The following SH3RF3 variants were observed in gnomAD, a reference collection of about 807,000 sequenced individuals.
SH3RF3 encodes the protein SH3 domain containing ring finger 3.
Under a neutral mutation model 66.3 loss-of-function variants are expected in SH3RF3, and 29 were observed. The observed-to-expected ratio is 0.44, with a 90% CI of 0.33 to 0.60. The LOEUF (loss-of-function observed/expected upper bound fraction) is 0.60, where lower values mean the gene tolerates loss of function less well. Among genes scored for constraint, SH3RF3 ranks in the 20% least tolerant of loss-of-function variants. SH3RF3 has a pLI of 0.04. For synonymous variants in SH3RF3, 583 were observed against 532.0 expected (o/e 1.10, Z -1.32); for missense variants, 1,194 against 1,190.9 (o/e 1.00, Z -0.04).
chr2:109,467,192 C>T (rs116646466), intron 8 of SH3RF3, among the ~76,000 whole-genome samples: 366 of 152,344 alleles, frequency 2.4e-3, no homozygotes, highest in African/African-American at 8.1e-3. Flanking sequence ...ATGAGGGATC[C>T]GTAGCAGCTT....
chr2:109,211,151 A>G (rs951152040), intron 1 of SH3RF3, among the ~76,000 whole-genome samples: 6 of 152,118 alleles, frequency 3.9e-5, no homozygotes, highest in African/African-American at 9.7e-5. Flanking sequence ...AATTAAGCAC[A>G]ATTAAAGGAG....
chr2:109,487,074 A>C (rs1678999810), intron 8 of SH3RF3, among the ~76,000 whole-genome samples: 1 of 152,198 alleles, frequency 6.6e-6, no homozygotes, highest in Non-Finnish European at 1.5e-5. Context: ...TTGCAGAAGA[A>C]GGCAGTCAGG....
At chr2:109,212,059 G>C (rs951484133) in intron 1 of SH3RF3, among the ~76,000 whole-genome samples, 1 of 152,238 alleles carries the variant, frequency 6.6e-6, no homozygotes, top group African/African-American at 2.4e-5. Flanking sequence ...CGGAATTCCA[G>C]GGAGATAGCG....
intron 1 of SH3RF3, among the ~76,000 whole-genome samples, chr2:109,166,039 A>C (rs997379514): frequency 2.0e-5 from 3 of 152,068 alleles, no homozygotes; most frequent in African/African-American, 7.2e-5. Flanking sequence ...CTGTAGATAC[A>C]TACCTTGGTG....
chr2:109,372,455 C>T (rs569906736), intron 3 of SH3RF3, among the ~76,000 whole-genome samples: 1 of 152,196 alleles, frequency 6.6e-6, no homozygotes, highest in Non-Finnish European at 1.5e-5. Context: ...CAGCGTCATC[C>T]CATAAGAGTG....
chr2:109,440,372 C>T (rs1344571592), intron 7 of SH3RF3, among the ~76,000 whole-genome samples: 13 of 152,188 alleles, frequency 8.5e-5, no homozygotes, highest in East Asian at 3.9e-4. Flanking sequence ...AAGAAAGACC[C>T]GCAGTGAAGC....
chr2:109,264,748 C>A (rs1016886049), intron 1 of SH3RF3, among the ~76,000 whole-genome samples: 1 of 152,212 alleles, frequency 6.6e-6, no homozygotes, highest in African/African-American at 2.4e-5. Flanking sequence ...TTCCCAGGCC[C>A]ACTGGGCGGG....
intron 1 of SH3RF3, among the ~76,000 whole-genome samples, chr2:109,260,370 T>C (rs948992460): frequency 4.6e-5 from 7 of 152,192 alleles, no homozygotes; most frequent in Non-Finnish European, 7.3e-5. Context: ...GGGAGCTGCA[T>C]GTGCCCTTCC....
intron 1 of SH3RF3, among the ~76,000 whole-genome samples, chr2:109,215,703 C>T (rs985051022): frequency 7.9e-5 from 12 of 152,148 alleles, no homozygotes; most frequent in Non-Finnish European, 1.5e-4. Flanking sequence ...ACACCCAGAC[C>T]GTGTGACTCA....
At chr2:109,365,436 TG>T (rs530352144) in intron 2 of SH3RF3, among the ~76,000 whole-genome samples, 14 of 152,326 alleles carry the variant, frequency 9.2e-5, no homozygotes, top group Admixed American at 4.6e-4. Flanking sequence ...CTCTTCAATT[TG>T]GGGGGCAGCA....
intron 1 of SH3RF3, among the ~76,000 whole-genome samples, chr2:109,263,748 T>C (rs934100916): frequency 6.6e-6 from 1 of 152,130 alleles, no homozygotes; most frequent in Non-Finnish European, 1.5e-5. Flanking sequence ...GGGCAGATCA[T>C]GAGGTCAGGA....
intron 1 of SH3RF3, among the ~76,000 whole-genome samples, chr2:109,295,266 T>G (rs1247568444): frequency 6.6e-6 from 1 of 152,198 alleles, no homozygotes; most frequent in African/African-American, 2.4e-5. Context: ...GGGCCTGCGG[T>G]GGCTCCAGGA....
intron 2 of SH3RF3, among the ~76,000 whole-genome samples, chr2:109,349,215 T>C (rs1284491388): frequency 2.6e-5 from 4 of 152,364 alleles, no homozygotes; most frequent in African/African-American, 9.6e-5. Context: ...ACAGTGTTTT[T>C]GAGCAAAATT....
rs1451850832 is a variant in SH3RF3 at position 109,501,646 on chromosome 2, C to T, written c.2624C>T (p.Pro875Leu). ...CGGAACGGCCGCACAGGCCTCTTCCCGGGCAGCTTCGTCGAGAGCTTCTGA... is the reference window on the plus strand; with the variant it reads ...CGGAACGGCCGCACAGGCCTCTTCCTGGGCAGCTTCGTCGAGAGCTTCTGA... Reference protein sequence around the residue: ...LQRNGRTGLFPGSFVESF With the variant: ...LQRNGRTGLFLGSFVESF Residue 875 changes from proline to leucine, a missense_variant, in exon 10 of 10, where the codon CCG (proline) becomes CTG (leucine). Transcript: ENST00000309415. The T allele has an allele frequency of 2.6e-6, 2 of 773,726 alleles. No individual in the cohort carries two copies. The highest frequency in any genetic ancestry group is 4.8e-6 in the Non-Finnish European group (2 of 414,990). The allele number at this position is 773,726 out of a possible 1,614,324, so 47.9% of individuals were successfully genotyped here.
chr2:109,365,854 G>A (rs73955558), intron 2 of SH3RF3, among the ~76,000 whole-genome samples: 2,907 of 152,192 alleles, frequency 0.019, 89 homozygotes, highest in African/African-American at 0.066. Flanking sequence ...CTGTTAAATT[G>A]CCTGGAAATC....
intron 1 of SH3RF3, among the ~76,000 whole-genome samples, chr2:109,303,587 G>A (rs1274526285): frequency 2.0e-5 from 3 of 152,346 alleles, no homozygotes; most frequent in East Asian, 1.9e-4. Context: ...CCCAAGGGAC[G>A]GGAGAGGGCC....
At chr2:109,256,618 A>G (rs1013440470) in intron 1 of SH3RF3, among the ~76,000 whole-genome samples, 1 of 152,150 alleles carries the variant, frequency 6.6e-6, no homozygotes, top group Non-Finnish European at 1.5e-5. Flanking sequence ...GGATTTGCCA[A>G]TGGGATTGTG....
At chr2:109,291,737 G>A (rs1681188503) in intron 1 of SH3RF3, among the ~76,000 whole-genome samples, 1 of 152,202 alleles carries the variant, frequency 6.6e-6, no homozygotes, top group Admixed American at 6.5e-5. Context: ...TTATCCGCAG[G>A]TTTCAAAGTG....
intron 1 of SH3RF3, among the ~76,000 whole-genome samples, chr2:109,195,768 T>G (rs1403303349): frequency 6.6e-6 from 1 of 152,222 alleles, no homozygotes; most frequent in Non-Finnish European, 1.5e-5. Context: ...GCCTTTGGAC[T>G]TCCTGTGGGT....
Sources: allele counts gnomAD v4.1 joint callset (sites outside exome capture counted in the v4.1 genomes callset), GRCh38; gene constraint gnomAD v4.1.1; transcripts MANE v1.5; gene names NCBI Gene and HGNC (gene_info 2026-07-23, HGNC 2026-07-21).